The following OPCML variants were observed in gnomAD, a reference collection of about 807,000 sequenced individuals.
OPCML encodes opioid binding protein/cell adhesion molecule like, also known as opioid-binding protein/cell adhesion molecule.
OPCML carries 13 observed loss-of-function variants against 37.8 expected under a neutral mutation model. The ratio of observed to expected loss-of-function variants is 0.34; its 90% confidence interval spans 0.22 to 0.55. The LOEUF (loss-of-function observed/expected upper bound fraction) is 0.55, where lower values mean the gene tolerates loss of function less well. Among genes scored for constraint, OPCML ranks in the 20% least tolerant of loss-of-function variants. The pLI, the probability that OPCML is intolerant of heterozygous loss-of-function variation, is 0.91. For synonymous variants in OPCML, 176 were observed against 168.8 expected (o/e 1.04, Z -0.33); for missense variants, 341 against 435.6 (o/e 0.78, Z 1.93).
chr11:133,062,380 C>G (rs186032229), intron 1 of OPCML, among the ~76,000 whole-genome samples: 2 of 152,228 alleles, frequency 1.3e-5, no homozygotes, highest in Non-Finnish European at 2.9e-5. Context: ...GGTGTCTTCT[C>G]GAGCCTTTTC....
chr11:132,966,245 G>A (rs967878478), intron 1 of OPCML, among the ~76,000 whole-genome samples: 27 of 151,982 alleles, frequency 1.8e-4, no homozygotes, highest in East Asian at 3.9e-4. Context: ...AGTTTCATAC[G>A]TTTCAAAATA....
At chr11:132,698,078 T>C (rs182240916) in intron 2 of OPCML, among the ~76,000 whole-genome samples, 6 of 151,938 alleles carry the variant, frequency 3.9e-5, no homozygotes, top group Admixed American at 3.9e-4. Flanking sequence ...AATCCTTCTG[T>C]ATCAGCCTCC....
chr11:132,933,897 C>T (rs1945289521), intron 2 of OPCML, among the ~76,000 whole-genome samples: 1 of 152,118 alleles, frequency 6.6e-6, no homozygotes, highest in African/African-American at 2.4e-5. Context: ...TCAGTGTAAG[C>T]CCAGCCTCTC....
chr11:133,264,098 A>T (rs1347750581), intron 1 of OPCML, among the ~76,000 whole-genome samples: 2 of 152,222 alleles, frequency 1.3e-5, no homozygotes, highest in Non-Finnish European at 2.9e-5. Context: ...GATATTGAAA[A>T]ACAGAAAGAA....
intron 3 of OPCML, among the ~76,000 whole-genome samples, chr11:132,578,412 AC>A (rs1450358450): frequency 6.6e-6 from 1 of 152,220 alleles, no homozygotes; most frequent in Non-Finnish European, 1.5e-5. Context: ...TACATCCGTC[AC>A]TAAGCAAAAA....
At chr11:133,446,846 C>T (rs555744319) in intron 1 of OPCML, among the ~76,000 whole-genome samples, 1 of 152,282 alleles carries the variant, frequency 6.6e-6, no homozygotes, top group South Asian at 2.1e-4. Flanking sequence ...TTTCAAGATT[C>T]ATTCATGCTG....
intron 1 of OPCML, among the ~76,000 whole-genome samples, chr11:133,288,127 A>G (rs965697847): frequency 2.6e-5 from 4 of 152,206 alleles, no homozygotes; most frequent in Non-Finnish European, 4.4e-5. Context: ...CGGTGAATGA[A>G]GGTGCTAAAG....
chr11:132,435,434 C>T (rs866727862), intron 7 of OPCML, among the ~76,000 whole-genome samples: 1 of 152,364 alleles, frequency 6.6e-6, no homozygotes, highest in Middle Eastern at 3.4e-3. Flanking sequence ...TCACAACAAG[C>T]TGGCCCTGGC....
intron 1 of OPCML, among the ~76,000 whole-genome samples, chr11:133,488,796 A>G (rs765664355): frequency 1.3e-5 from 2 of 152,086 alleles, no homozygotes; most frequent in Non-Finnish European, 2.9e-5. Flanking sequence ...CAAAGCTGGA[A>G]GCATCACACT....
chr11:133,072,310 A>G (rs924404264), intron 1 of OPCML, among the ~76,000 whole-genome samples: 4 of 152,234 alleles, frequency 2.6e-5, no homozygotes, highest in African/African-American at 9.6e-5. Flanking sequence ...TACTGTGACA[A>G]TCACTCAAAA....
At chr11:132,447,125 C>G (rs980177900) in intron 4 of OPCML, among the ~76,000 whole-genome samples, 10 of 152,284 alleles carry the variant, frequency 6.6e-5, no homozygotes, top group African/African-American at 2.4e-4. Context: ...CTTTGCTTGC[C>G]TTTGGGGGAA....
In OPCML at chr11:133,354,608, G is replaced by A. The variant is rs115352310; in HGVS notation, c.61+177656C>T. Among the ~76,000 whole-genome samples the A allele has an allele frequency of 3.5e-4, 53 of 152,138 alleles. No homozygotes were observed. The South Asian group carries it at 5.8e-3, about 17-fold the overall frequency. ...CACTTTTATAAGTACCTCTACTTTC[G>A]CATTTAGTAACTGGAAGTAATAACA... On this transcript the variant is annotated intron_variant, in intron 1 of 7. Transcript: ENST00000524381.
chr11:133,224,889 G>T (rs780094707), intron 1 of OPCML, among the ~76,000 whole-genome samples: 2 of 152,072 alleles, frequency 1.3e-5, no homozygotes, highest in Non-Finnish European at 2.9e-5. Context: ...ATCCTCCTAG[G>T]CTTGGCCTTG....
At chr11:133,467,759 C>A (rs1947009553) in intron 1 of OPCML, among the ~76,000 whole-genome samples, 1 of 152,174 alleles carries the variant, frequency 6.6e-6, no homozygotes, top group African/African-American at 2.4e-5. Flanking sequence ...TTCTGTGACA[C>A]TACCAATTCA....
intron 3 of OPCML, among the ~76,000 whole-genome samples, chr11:132,585,258 G>C (rs1411920722): frequency 1.3e-5 from 2 of 151,940 alleles, no homozygotes; most frequent in Non-Finnish European, 2.9e-5. Context: ...CAGAACAGAG[G>C]GTTTTGCAAG....
chr11:133,105,815 T>C (rs1467825218), intron 1 of OPCML, among the ~76,000 whole-genome samples: 2 of 151,984 alleles, frequency 1.3e-5, no homozygotes, highest in Admixed American at 1.3e-4. Context: ...ACCCCATCTC[T>C]ACTAAAAAAT....
rs2136627805 is a variant in OPCML at position 132,416,542 on chromosome 11, T to G, written c.*3651A>C. On this transcript the variant is annotated 3_prime_UTR_variant, in exon 8 of 8. Transcript: ENST00000524381. ...TTGACTGAATTGATGCAGAAAAAGA[T>G]TCTGAAACCCAGCCTCAGTTTTGAA... 1 of 152,310 alleles carries G rather than the reference T, an allele frequency of 6.6e-6. No homozygotes were observed. Among genetic ancestry groups the G allele is most frequent in the Admixed American group, 6.5e-5 (1 of 15,310 alleles). 9.4% of individuals were successfully genotyped at this position (152,310 alleles called of 1,614,324 possible).
At chr11:132,892,230 G>C (rs892354815) in intron 2 of OPCML, among the ~76,000 whole-genome samples, 2 of 152,142 alleles carry the variant, frequency 1.3e-5, no homozygotes, top group Admixed American at 1.3e-4. Context: ...CAGCGGAAAA[G>C]GCAGACTTCT....
intron 3 of OPCML, among the ~76,000 whole-genome samples, chr11:132,573,861 G>A (rs1055636340): frequency 1.3e-5 from 2 of 151,900 alleles, no homozygotes; most frequent in Non-Finnish European, 2.9e-5. Context: ...CTGGACCTGG[G>A]CTTTTCTTTG....
Sources: allele counts gnomAD v4.1 joint callset (sites outside exome capture counted in the v4.1 genomes callset), GRCh38; gene constraint gnomAD v4.1.1; transcripts MANE v1.5; gene names NCBI Gene and HGNC (gene_info 2026-07-23, HGNC 2026-07-21).